Variants in GALNS observed in about 807,000 individuals in gnomAD.
GALNS encodes galactosamine (N-acetyl)-6-sulfatase, also known as N-acetylgalactosamine-6-sulfatase.
A neutral mutation model predicts 65.9 loss-of-function variants in GALNS; 65 were observed. The ratio of observed to expected loss-of-function variants is 0.99; its 90% CI spans 0.81 to 1.21. The LOEUF (loss-of-function observed/expected upper bound fraction) is 1.21, where lower values mean the gene tolerates loss of function less well. GALNS is among the 50% of genes most tolerant of loss of function. The pLI, the probability that GALNS is intolerant of heterozygous loss-of-function variation, is 0.00. For synonymous variants in GALNS, 346 were observed against 288.9 expected (o/e 1.20, Z -2.00); for missense variants, 776 against 700.7 (o/e 1.11, Z -1.21).
At chr16:88,830,850 T>C (rs1195671102) in intron 9 of GALNS, among the ~76,000 whole-genome samples, 1 of 152,114 alleles carries the variant, frequency 6.6e-6, no homozygotes, top group African/African-American at 2.4e-5. Flanking sequence ...TGAGTGTCCT[T>C]AGGACACTGG....
At chr16:88,816,885 G>C (rs567910182) in intron 13 of GALNS, 7 of 985,436 alleles carry the variant, frequency 7.1e-6, no homozygotes, top group Non-Finnish European at 8.4e-6. Context: ...GCAGATCCAG[G>C]GGCTGTGGGC....
intron 8 of GALNS, among the ~76,000 whole-genome samples, chr16:88,833,893 A>C (rs549196589): frequency 1.3e-5 from 2 of 152,352 alleles, no homozygotes; most frequent in East Asian, 3.9e-4. Flanking sequence ...GAAACATTCC[A>C]TCATTTAGAA....
intron 1 of GALNS, chr16:88,843,685 GA>G: frequency 6.2e-6 from 1 of 162,082 alleles, no homozygotes; most frequent in Non-Finnish European, 1.4e-5. Flanking sequence ...GCCTGAGGGG[GA>G]GGGGCCCGGC....
Position 88,826,803 on chromosome 16 carries a change from G to A in GALNS, c.1038C>T (p.Phe346=), listed in dbSNP as rs766504053. 5 of 1,596,298 alleles carry A rather than the reference G, an allele frequency of 3.1e-6. No individual in the cohort carries two copies. The highest frequency in any genetic ancestry group is 2.3e-5 in the East Asian group (1 of 43,976). ...SHQLGSIMDL[F]TTSLALAGLT... is the part of the protein sequence containing the mutation. ...GGCCCGCAAGGGCCAGGCTGGTGGT[G>A]AAGAGGTCCATGATGCTGCCCAGCT... The change falls in exon 10 of 14, where the codon TTC becomes TTT. Residue 346 remains phenylalanine (F), a synonymous_variant. Transcript: ENST00000268695.
chr16:88,815,630 G>T, intron 13 of GALNS: 3 of 985,492 alleles, frequency 3.0e-6, no homozygotes, highest in Non-Finnish European at 3.6e-6. Context: ...GGCCACTTCT[G>T]TGCCACGTCA....
chr16:88,850,662 C>T (rs543331994), intron 1 of GALNS, among the ~76,000 whole-genome samples: 6 of 152,052 alleles, frequency 3.9e-5, no homozygotes, highest in Non-Finnish European at 7.4e-5. Context: ...GGAGAAGGTG[C>T]GGGCGGGGCC....
In GALNS at chr16:88,847,563, C is replaced by T. The variant is rs187570847; in HGVS notation, c.121-4734G>A. Among the ~76,000 whole-genome samples the T allele has an allele frequency of 5.3e-5, 8 of 152,288 alleles. No homozygotes were observed. In the East Asian group the frequency reaches 1.5e-3, roughly 29 times the overall value. ...GCCCATCGGGCCCTTGTAAAGTTTC[C>T]ACCATTTCAAATGACCCCAAGACAG... is the stretch of plus-strand genomic sequence containing the variant. On this transcript the variant is annotated intron_variant, in intron 1 of 13. Coordinates refer to ENST00000268695, the MANE Select transcript of GALNS (RefSeq NM_000512.5).
chr16:88,838,996 A>G (rs1196633936), intron 4 of GALNS: 1 of 152,984 alleles, frequency 6.5e-6, no homozygotes, highest in Admixed American at 6.6e-5. Context: ...TTGGCTGCCA[A>G]CTCCGGGCTG....
At chr16:88,836,857 G>A (rs935010451) in intron 5 of GALNS, among the ~76,000 whole-genome samples, 1 of 152,062 alleles carries the variant, frequency 6.6e-6, no homozygotes, top group Non-Finnish European at 1.5e-5. Context: ...GGCGGCTGTG[G>A]TCACTCGGCT....
chr16:88,818,191 G>T, intron 12 of GALNS, 67 bp from the exon 13 acceptor site: 1 of 1,266,716 alleles, frequency 7.9e-7, no homozygotes, highest in Non-Finnish European at 1.1e-6. Context: ...GGCTGGCCTG[G>T]ACAGGCTGAG....
rs554407003 is a variant in GALNS at position 88,842,069 on chromosome 16, G to A, written c.245-98C>T. 78 of 1,053,992 alleles carry A rather than the reference G, an allele frequency of 7.4e-5. No homozygotes were observed. The African/African-American group carries it at 1.0e-3, about 14-fold the overall frequency. The allele number at this position is 1,053,992 out of a possible 1,614,324, so 65.3% of individuals were successfully genotyped here. A position where few individuals can be genotyped will look rare whatever the true frequency, so the allele number is the denominator to read the frequency against. On this transcript the variant is annotated intron_variant, in intron 2 of 13. Coordinates refer to ENST00000268695, the MANE Select transcript of GALNS (RefSeq NM_000512.5). ...CCAACGAGTAGACAGACGCGTGACAGACGAGGCACGCGCAGGTTTACAAGG... is the reference window on the plus strand; with the variant it reads ...CCAACGAGTAGACAGACGCGTGACAAACGAGGCACGCGCAGGTTTACAAGG...
intron 1 of GALNS, among the ~76,000 whole-genome samples, chr16:88,849,257 G>C (rs953028842): frequency 7.9e-5 from 12 of 152,160 alleles, no homozygotes; most frequent in African/African-American, 2.9e-4. Context: ...TGGGACTACA[G>C]GCACATGCCA....
intron 10 of GALNS, among the ~76,000 whole-genome samples, chr16:88,825,823 C>T (rs1015953727): frequency 1.3e-5 from 2 of 152,094 alleles, no homozygotes; most frequent in African/African-American, 2.4e-5. Context: ...TGCCAGGTCT[C>T]GAGAGGGGAC....
intron 9 of GALNS, 176 bp from the exon 10 acceptor site, chr16:88,827,014 G>A (rs143455669): frequency 6.7e-6 from 5 of 745,752 alleles, no homozygotes; most frequent in Non-Finnish European, 2.2e-6. Flanking sequence ...AGAGACAGAG[G>A]AGCCTCAAAC....
chr16:88,837,147 C>T (rs1912224256), intron 5 of GALNS, among the ~76,000 whole-genome samples: 1 of 152,192 alleles, frequency 6.6e-6, no homozygotes. Flanking sequence ...CCCGGCACTG[C>T]CGTGTCAAGA....
chr16:88,847,876 C>T (rs1967323625), intron 1 of GALNS, among the ~76,000 whole-genome samples: 2 of 152,224 alleles, frequency 1.3e-5, no homozygotes, highest in African/African-American at 2.4e-5. Flanking sequence ...AGTGTGTCCA[C>T]GTGGAAACCT....
At chr16:88,820,651 C>T (rs997395026) in intron 12 of GALNS, among the ~76,000 whole-genome samples, 3 of 152,178 alleles carry the variant, frequency 2.0e-5, no homozygotes, top group Admixed American at 6.5e-5. Context: ...GCTGTGAGGG[C>T]GGGGCTGGGT....
chr16:88,852,253 G>T (rs151239033), intron 1 of GALNS, among the ~76,000 whole-genome samples: 2 of 152,194 alleles, frequency 1.3e-5, no homozygotes, highest in African/African-American at 4.8e-5. Context: ...GTCTGGAGTG[G>T]ACCTTCAGCA....
intron 1 of GALNS, 132 bp downstream of exon 1, chr16:88,856,626 C>G (rs1257117763): frequency 9.4e-6 from 5 of 531,760 alleles, no homozygotes; most frequent in Admixed American, 5.1e-5. Context: ...GGGCCTCCCC[C>G]CTTCCCCAAG....
Sources: gnomAD v4.1 joint callset for allele counts (sites outside exome capture counted in the v4.1 genomes callset) on GRCh38, gnomAD v4.1.1 for gene constraint, MANE v1.5 for transcripts, NCBI Gene and HGNC (gene_info 2026-07-23, HGNC 2026-07-21) for gene names.